Variants in CNTN5 observed in about 807,000 individuals in gnomAD.
CNTN5 encodes contactin 5, also known as contactin-5.
A neutral mutation model predicts 129.1 loss-of-function variants in CNTN5; 77 were observed. The ratio of observed to expected loss-of-function variants is 0.60; its 90% CI spans 0.50 to 0.72. CNTN5 has a LOEUF of 0.72. Among genes scored for constraint, CNTN5 ranks in the 30% least tolerant of loss-of-function variants. CNTN5 has a pLI of 0.00. For synonymous variants in CNTN5, 509 were observed against 465.6 expected (o/e 1.09, Z -1.20); for missense variants, 1,478 against 1,328.8 (o/e 1.11, Z -1.75).
chr11:99,131,785 GC>G (rs1342227990), intron 1 of CNTN5, among the ~76,000 whole-genome samples: 1 of 152,168 alleles, frequency 6.6e-6, no homozygotes, highest in East Asian at 1.9e-4. Context: ...AAAAGCCCAG[GC>G]CCAGATGGAT....
intron 1 of CNTN5, among the ~76,000 whole-genome samples, chr11:99,295,229 A>C (rs1864333791): frequency 6.6e-6 from 1 of 152,234 alleles, no homozygotes; most frequent in Admixed American, 6.5e-5. Flanking sequence ...GAGCTAGCTG[A>C]AGTGTCTACT....
intron 10 of CNTN5, among the ~76,000 whole-genome samples, chr11:100,063,450 G>T (rs1179791542): frequency 1.3e-5 from 2 of 151,802 alleles, no homozygotes; most frequent in Non-Finnish European, 2.9e-5. Flanking sequence ...GCATATATTT[G>T]TGACAGGTGT....
At chr11:99,065,063 T>G (rs1865046787) in intron 1 of CNTN5, among the ~76,000 whole-genome samples, 1 of 152,144 alleles carries the variant, frequency 6.6e-6, no homozygotes, top group African/African-American at 2.4e-5. Flanking sequence ...TAATTTGCTC[T>G]TTATAATGAA....
At chr11:99,838,534 C>T (rs542011203) in intron 4 of CNTN5, among the ~76,000 whole-genome samples, 86 of 152,282 alleles carry the variant, frequency 5.6e-4, no homozygotes, top group Non-Finnish European at 9.8e-4. Context: ...ATTTTCTCTT[C>T]AAGTCTGAAA....
rs372195849 is a variant in CNTN5, at chr11:100,081,630, T to C, written c.1580+7336T>C. ...TTTCAAGTGATTAGCAAATAAAGCA[T>C]AATGTCAACAAATGGTGATACTGAG... On this transcript the variant is annotated intron_variant, in intron 13 of 24. Coordinates refer to ENST00000524871, the MANE Select transcript of CNTN5 (RefSeq NM_014361.4). Among the ~76,000 whole-genome samples, 61 of 152,126 alleles carry C rather than the reference T, an allele frequency of 4.0e-4. 1 individual carries two copies. Among genetic ancestry groups the C allele is most frequent in the African/African-American group, 1.5e-3 (61 of 41,436 alleles).
At chr11:100,167,624 G>T (rs1947681828) in intron 13 of CNTN5, among the ~76,000 whole-genome samples, 1 of 151,838 alleles carries the variant, frequency 6.6e-6, no homozygotes, top group African/African-American at 2.4e-5. Context: ...AAGGAAAGAG[G>T]TGTGATCCTA....
chr11:99,645,803 G>C (rs1393125586), intron 3 of CNTN5, among the ~76,000 whole-genome samples: 1 of 151,524 alleles, frequency 6.6e-6, no homozygotes, highest in Admixed American at 6.6e-5. Flanking sequence ...TGTCGGGGTG[G>C]GGGGCTAGGG....
chr11:99,570,400 G>A (rs184623025), intron 3 of CNTN5, among the ~76,000 whole-genome samples: 9 of 152,210 alleles, frequency 5.9e-5, no homozygotes, highest in East Asian at 3.9e-4. Flanking sequence ...TGGTTCAGTC[G>A]TTCTTCTAAG....
At chr11:100,238,678 T>C (rs1949676502) in intron 16 of CNTN5, among the ~76,000 whole-genome samples, 1 of 152,186 alleles carries the variant, frequency 6.6e-6, no homozygotes, top group Non-Finnish European at 1.5e-5. Context: ...TGGTTTTTGG[T>C]AACTGGTAGA....
At chr11:100,110,623 A>G (rs1240307919) in intron 13 of CNTN5, among the ~76,000 whole-genome samples, 3 of 152,246 alleles carry the variant, frequency 2.0e-5, no homozygotes, top group African/African-American at 7.2e-5. Flanking sequence ...TTTGCAATCC[A>G]TAATAGAAAC....
intron 3 of CNTN5, among the ~76,000 whole-genome samples, chr11:99,658,998 C>A (rs1432426358): frequency 6.6e-6 from 1 of 151,912 alleles, no homozygotes; most frequent in Non-Finnish European, 1.5e-5. Context: ...GGCTGCAGCA[C>A]AAACATCATT....
At chr11:99,716,355 T>C (rs953179111) in intron 3 of CNTN5, among the ~76,000 whole-genome samples, 1 of 152,110 alleles carries the variant, frequency 6.6e-6, no homozygotes. Flanking sequence ...TCCTTCTTTA[T>C]TGAAGCAACC....
chr11:100,098,629 T>C (rs1373997183), intron 13 of CNTN5, among the ~76,000 whole-genome samples: 2 of 152,138 alleles, frequency 1.3e-5, no homozygotes, highest in Non-Finnish European at 2.9e-5. Flanking sequence ...CTTTTAGATC[T>C]ATTTGTTGCT....
chr11:99,715,617 G>A (rs1175376613), intron 3 of CNTN5, among the ~76,000 whole-genome samples: 1 of 151,938 alleles, frequency 6.6e-6, no homozygotes, highest in African/African-American at 2.4e-5. Flanking sequence ...ATGTTGCAAG[G>A]AGTAATAAAC....
At chr11:99,308,545 A>G (rs1371129114) in intron 1 of CNTN5, among the ~76,000 whole-genome samples, 1 of 152,186 alleles carries the variant, frequency 6.6e-6, no homozygotes, top group Non-Finnish European at 1.5e-5. Flanking sequence ...TAAAATATAG[A>G]ACTTTCAGAA....
At chr11:99,320,532 AAAGAAAG>A (rs1865525559) in intron 1 of CNTN5, among the ~76,000 whole-genome samples, 1 of 152,184 alleles carries the variant, frequency 6.6e-6, no homozygotes, top group Non-Finnish European at 1.5e-5. Flanking sequence ...TTTAGGAATT[AAAGAAAG>A]CCAGAATCAA....
At chr11:100,096,459 G>GAA (rs1469134077) in intron 13 of CNTN5, among the ~76,000 whole-genome samples, 1 of 152,006 alleles carries the variant, frequency 6.6e-6, no homozygotes, top group Non-Finnish European at 1.5e-5. Flanking sequence ...CCCTTGGCTA[G>GAA]TGTGTAAACA....
intron 1 of CNTN5, among the ~76,000 whole-genome samples, chr11:99,130,044 A>G (rs1340234447): frequency 6.6e-6 from 1 of 152,230 alleles, no homozygotes; most frequent in Non-Finnish European, 1.5e-5. Context: ...ACTATGAAGC[A>G]ATTACATTAA....
chr11:99,404,612 A>G (rs1941989124), intron 2 of CNTN5, among the ~76,000 whole-genome samples: 1 of 152,178 alleles, frequency 6.6e-6, no homozygotes, highest in Admixed American at 6.5e-5. Context: ...CTATTTGCAT[A>G]AAGGAACAAG....
Sources: allele counts gnomAD v4.1 joint callset (sites outside exome capture counted in the v4.1 genomes callset), GRCh38; gene constraint gnomAD v4.1.1; transcripts MANE v1.5; gene names NCBI Gene and HGNC (gene_info 2026-07-23, HGNC 2026-07-21).